The following SNX14 variants were observed in gnomAD, a reference collection of about 807,000 sequenced individuals.
SNX14 encodes the protein sorting nexin 14, also known as sorting nexin-14.
SNX14 carries 93 observed loss-of-function variants against 133.8 expected under a neutral mutation model. The ratio of observed to expected loss-of-function variants is 0.70; its 90% confidence interval spans 0.59 to 0.83. SNX14 has a LOEUF of 0.83. Among genes scored for constraint, SNX14 ranks in the 40% least tolerant of loss-of-function variants. The probability of loss-of-function intolerance (pLI) is 0.00; values close to 1 mark genes in which losing one functional copy is unlikely to be tolerated. For synonymous variants in SNX14, 368 were observed against 365.6 expected (o/e 1.01, Z -0.07); for missense variants, 945 against 1,094.9 (o/e 0.86, Z 1.93).
chr6:85,539,894 T>A (rs1033205146), intron 15 of SNX14, among the ~76,000 whole-genome samples: 6 of 150,610 alleles, frequency 4.0e-5, no homozygotes, highest in Non-Finnish European at 7.4e-5. Context: ...TTTTCATCTC[T>A]GAAGTTATGA....
intron 4 of SNX14, 48 bp downstream of exon 4, chr6:85,572,089 C>G: frequency 2.0e-6 from 3 of 1,505,294 alleles, no homozygotes; most frequent in Non-Finnish European, 2.7e-6. Flanking sequence ...AAAATTTTTC[C>G]ACAGGCATTT....
At chr6:85,591,845 T>C (rs920925202) in intron 1 of SNX14, among the ~76,000 whole-genome samples, 4 of 152,226 alleles carry the variant, frequency 2.6e-5, no homozygotes, top group African/African-American at 9.6e-5. Flanking sequence ...CCCCCGTCTC[T>C]ATTAAAAATG....
At chr6:85,557,933 A>G in intron 7 of SNX14, 43 bp downstream of exon 7, 1 of 1,203,030 alleles carries the variant, frequency 8.3e-7, no homozygotes, top group Non-Finnish European at 1.2e-6. Context: ...AAATTGGTGT[A>G]TAAAAACAAA....
chr6:85,550,791 T>C (rs1787550160), intron 7 of SNX14, among the ~76,000 whole-genome samples: 1 of 151,708 alleles, frequency 6.6e-6, no homozygotes, highest in South Asian at 2.1e-4. Flanking sequence ...CAAAATTCTT[T>C]TTTTTTTTTG....
chr6:85,506,152 T>C lies in SNX14; in HGVS notation c.2803-147A>G, dbSNP rs540117746. On this transcript the variant is annotated intron_variant, in intron 28 of 28. Coordinates refer to ENST00000314673, the MANE Select transcript of SNX14 (RefSeq NM_153816.6). The stretch of plus-strand genomic sequence containing the variant: ...TGGCTGGCATATGGAGTGAGAAATA[T>C]CTATGTTCTAGATATGAGAAAAAAG... 5 of 621,838 alleles carry C rather than the reference T, an allele frequency of 8.0e-6. No individual in the cohort carries two copies. The East Asian group carries it at 1.4e-4, about 17-fold the overall frequency. The allele number at this position is 621,838 out of a possible 1,614,324, so 38.5% of individuals were successfully genotyped here.
At chr6:85,593,528 T>A in intron 1 of SNX14, 51 bp downstream of exon 1, 1 of 1,568,100 alleles carries the variant, frequency 6.4e-7, no homozygotes, top group Non-Finnish European at 8.6e-7. Context: ...GGGCCGGGCG[T>A]CTGCACCTTC....
intron 1 of SNX14, chr6:85,589,224 A>G: frequency 6.5e-6 from 1 of 153,288 alleles, no homozygotes; most frequent in Non-Finnish European, 1.4e-5. Flanking sequence ...TTCTGGCACC[A>G]CTTTTTTTTT....
intron 6 of SNX14, among the ~76,000 whole-genome samples, chr6:85,563,300 A>G (rs1262516600): frequency 6.6e-6 from 1 of 152,252 alleles, no homozygotes; most frequent in Non-Finnish European, 1.5e-5. Flanking sequence ...CTGACAAAGC[A>G]GTAGAAAAGT....
At chr6:85,533,357 T>C (rs546432504) in intron 18 of SNX14, among the ~76,000 whole-genome samples, 2 of 152,378 alleles carry the variant, frequency 1.3e-5, no homozygotes, top group Admixed American at 1.3e-4. Context: ...GAATGCCTGA[T>C]GGACTGTCAG....
Position 85,593,595 on chromosome 6 carries a change from A to G in SNX14, c.124T>C (p.Ser42Pro), listed in dbSNP as rs1346974884. ...CFLLLCLSAA[S>P]LLLNRYIHIL... is the part of the protein sequence containing the mutation. ...CGGCGTTACCTGTTAAGAAGCAGGG[A>G]GGCGGCGCTGAGACAGAGCAGCAGG... Residue 42 changes from serine (S) to proline (P), a missense_variant, in exon 1 of 29, where the codon TCC becomes CCC. This residue lies in a region of SNX14 where 514 missense variants were observed against 538.8 expected (regional missense o/e 0.95). Coordinates refer to ENST00000314673, the MANE Select transcript of SNX14 (RefSeq NM_153816.6). The G allele has an allele frequency of 6.2e-7, 1 of 1,612,160 alleles. No homozygotes were observed. The highest frequency in any genetic ancestry group is 2.2e-5 in the East Asian group (1 of 44,822).
chr6:85,538,269 G>GTT (rs5877939), intron 16 of SNX14, among the ~76,000 whole-genome samples: 6 of 151,610 alleles, frequency 4.0e-5, no homozygotes, highest in Middle Eastern at 3.3e-3. Context: ...TACAATTAGG[G>GTT]TTTTTTTTAA....
At chr6:85,582,879 T>G (rs1489168204) in intron 1 of SNX14, among the ~76,000 whole-genome samples, 2 of 152,064 alleles carry the variant, frequency 1.3e-5, no homozygotes, top group African/African-American at 4.8e-5. Flanking sequence ...CTGAAACTAT[T>G]CCAAACAACA....
At chr6:85,570,022 C>T (rs985200920) in intron 4 of SNX14, among the ~76,000 whole-genome samples, 3 of 152,128 alleles carry the variant, frequency 2.0e-5, no homozygotes, top group Admixed American at 6.6e-5. Context: ...TCTAGTTCTC[C>T]GATCTGATTT....
chr6:85,534,704 T>C (rs938663837), intron 17 of SNX14, among the ~76,000 whole-genome samples: 1 of 152,174 alleles, frequency 6.6e-6, no homozygotes, highest in African/African-American at 2.4e-5. Context: ...AAAATACATC[T>C]TCTTCCACAA....
At chr6:85,567,263 C>T (rs1794181868) in intron 5 of SNX14, among the ~76,000 whole-genome samples, 1 of 152,154 alleles carries the variant, frequency 6.6e-6, no homozygotes, top group Non-Finnish European at 1.5e-5. Flanking sequence ...TTATGCCTTC[C>T]AGGTCATATC....
At chr6:85,582,494 G>A (rs1236389125) in intron 1 of SNX14, among the ~76,000 whole-genome samples, 2 of 151,326 alleles carry the variant, frequency 1.3e-5, no homozygotes, top group East Asian at 3.9e-4. Context: ...TCCAGGAGCC[G>A]ATTTTTTTTT....
Position 85,565,401 on chromosome 6 carries a change from T to G in SNX14, c.480A>C (p.Glu160Asp), listed in dbSNP as rs752239921. The G allele has an allele frequency of 3.7e-6, 6 of 1,602,666 alleles. No individual in the cohort carries two copies. The highest frequency in any genetic ancestry group is 4.5e-5 in the East Asian group (2 of 44,510). The change falls in exon 6 of 29, where the codon GAA becomes GAC. Residue 160 changes from glutamate (E) to aspartate (D), a missense_variant. Coordinates refer to ENST00000314673, the MANE Select transcript of SNX14 (RefSeq NM_153816.6). Reference protein sequence around the residue: ...YPWYRDVTDDESFVDELRITL... With the variant: ...YPWYRDVTDDDSFVDELRITL... ...TTATTCTCAGTTCATCAACAAAGGA[T>G]TCATCATCTGTCACATCCCTTCAAT... is the stretch of plus-strand genomic sequence containing the variant.
chr6:85,573,953 C>T (rs1796469592), intron 2 of SNX14, among the ~76,000 whole-genome samples: 1 of 152,056 alleles, frequency 6.6e-6, no homozygotes, highest in Admixed American at 6.6e-5. Context: ...CTTTTTATAG[C>T]TCCTCTAAGA....
At chr6:85,517,349 C>A (rs1243272879) in intron 23 of SNX14, among the ~76,000 whole-genome samples, 1 of 152,120 alleles carries the variant, frequency 6.6e-6, no homozygotes, top group Non-Finnish European at 1.5e-5. Context: ...AGCACTCAAT[C>A]GTAGGCATGT....
Sources: allele counts gnomAD v4.1 joint callset (sites outside exome capture counted in the v4.1 genomes callset), GRCh38; gene constraint gnomAD v4.1.1; regional missense constraint gnomAD v4.1.1; transcripts MANE v1.5; gene names NCBI Gene and HGNC (gene_info 2026-07-23, HGNC 2026-07-21).